The following AK5 variants were observed in gnomAD, a reference collection of about 807,000 sequenced individuals.
The protein encoded by AK5 is adenylate kinase isoenzyme 5.
Under a neutral mutation model 69.5 loss-of-function variants are expected in AK5, and 27 were observed. The ratio of observed to expected loss-of-function variants is 0.39; its 90% CI spans 0.29 to 0.54. AK5 has a LOEUF of 0.54. Ranked by LOEUF, AK5 falls within the 20% of genes least tolerant of loss-of-function variation. The pLI is 0.71. For synonymous variants in AK5, 260 were observed against 244.4 expected (o/e 1.06, Z -0.60); for missense variants, 531 against 700.4 (o/e 0.76, Z 2.73).
chr1:77,346,579 C>G (rs1661927696), intron 6 of AK5, among the ~76,000 whole-genome samples: 1 of 152,188 alleles, frequency 6.6e-6, no homozygotes, highest in Non-Finnish European at 1.5e-5. Context: ...TCACTGCAAC[C>G]TCTGCCTCCC....
chr1:77,524,897 AGTTT>A (rs1259306937), intron 12 of AK5, among the ~76,000 whole-genome samples: 2 of 151,990 alleles, frequency 1.3e-5, no homozygotes, highest in African/African-American at 2.4e-5. Context: ...ATTTTGATCC[AGTTT>A]GTTTGTTTGT....
intron 5 of AK5, among the ~76,000 whole-genome samples, chr1:77,319,837 A>G (rs999603111): frequency 1.3e-4 from 20 of 152,244 alleles, no homozygotes; most frequent in African/African-American, 2.9e-4. Flanking sequence ...GACTATAAGC[A>G]CATTGCATTC....
chr1:77,338,490 T>C (rs186436881), intron 5 of AK5, among the ~76,000 whole-genome samples: 27 of 152,290 alleles, frequency 1.8e-4, no homozygotes, highest in Admixed American at 1.0e-3. Context: ...CAGATGTAAA[T>C]AGAGCTGTCA....
chr1:77,382,551 T>G (rs1647719608), intron 6 of AK5, among the ~76,000 whole-genome samples: 1 of 152,218 alleles, frequency 6.6e-6, no homozygotes, highest in Non-Finnish European at 1.5e-5. Flanking sequence ...GATCTCACTC[T>G]GTTGCCCAAG....
chr1:77,350,620 A>G lies in AK5; in HGVS notation c.891+10052A>G, dbSNP rs927170647. On this transcript the variant is annotated intron_variant, in intron 6 of 13. Transcript: ENST00000354567. Reference sequence around the variant, plus strand: ...CTGACACAAGGTTTTACTTCTCCATATGGCAGATCGGCAACCATCTGGCAC... The same window carrying G: ...CTGACACAAGGTTTTACTTCTCCATGTGGCAGATCGGCAACCATCTGGCAC... 4.6e-5 allele frequency among the ~76,000 whole-genome samples: 7 copies of G among 152,334 alleles called. No homozygotes were observed. In the South Asian group the frequency reaches 6.2e-4, roughly 14 times the overall value.
chr1:77,400,236 G>T (rs1203158562), intron 6 of AK5, among the ~76,000 whole-genome samples: 1 of 152,122 alleles, frequency 6.6e-6, no homozygotes, highest in Non-Finnish European at 1.5e-5. Context: ...ATCTGATCCT[G>T]CCAGCCTTGG....
intron 5 of AK5, among the ~76,000 whole-genome samples, chr1:77,302,313 G>A (rs1659386783): frequency 6.6e-6 from 1 of 152,104 alleles, no homozygotes; most frequent in African/African-American, 2.4e-5. Flanking sequence ...AGAGGAAAAA[G>A]CAAAAAGCTT....
chr1:77,362,720 A>G (rs1312429155), intron 6 of AK5, among the ~76,000 whole-genome samples: 1 of 152,226 alleles, frequency 6.6e-6, no homozygotes, highest in Non-Finnish European at 1.5e-5. Context: ...CAGAAAAATC[A>G]AATCAGTAGT....
At chr1:77,522,187 C>G (rs1658027031) in intron 12 of AK5, among the ~76,000 whole-genome samples, 1 of 152,176 alleles carries the variant, frequency 6.6e-6, no homozygotes, top group Non-Finnish European at 1.5e-5. Context: ...GTCTGACTCT[C>G]TCTCTCTCTC....
At chr1:77,395,727 A>G (rs72679591) in intron 6 of AK5, among the ~76,000 whole-genome samples, 14,434 of 152,282 alleles carry the variant, frequency 0.095, 822 homozygotes, top group East Asian at 0.2. Flanking sequence ...ATAACCTCAA[A>G]CAAAAGTGAT....
chr1:77,467,396 G>A (rs1164846992), intron 8 of AK5, among the ~76,000 whole-genome samples: 1 of 152,204 alleles, frequency 6.6e-6, no homozygotes, highest in Non-Finnish European at 1.5e-5. Flanking sequence ...TCTGCGCAGA[G>A]CCTGCTGCTC....
chr1:77,430,853 G>A (rs1651589793), intron 8 of AK5, among the ~76,000 whole-genome samples: 1 of 152,168 alleles, frequency 6.6e-6, no homozygotes, highest in African/African-American at 2.4e-5. Context: ...GGAGGAAATT[G>A]AGAACTTTAC....
intron 6 of AK5, among the ~76,000 whole-genome samples, chr1:77,368,249 A>G (rs1186585299): frequency 3.4e-5 from 3 of 88,062 alleles, no homozygotes; most frequent in Admixed American, 1.5e-4. Flanking sequence ...ATATATATAT[A>G]TATAATATAT....
intron 6 of AK5, among the ~76,000 whole-genome samples, chr1:77,351,031 A>G (rs2100411146): frequency 6.6e-6 from 1 of 152,346 alleles, no homozygotes; most frequent in East Asian, 1.9e-4. Flanking sequence ...CAGTGAGGAC[A>G]TAATTCCATT....
At chr1:77,477,520 C>A (rs886391105) in intron 8 of AK5, among the ~76,000 whole-genome samples, 3 of 152,132 alleles carry the variant, frequency 2.0e-5, no homozygotes, top group African/African-American at 7.2e-5. Context: ...CATATGCTAG[C>A]ATTTCATGGT....
At chr1:77,459,724 A>G (rs1653710863) in intron 8 of AK5, among the ~76,000 whole-genome samples, 1 of 152,218 alleles carries the variant, frequency 6.6e-6, no homozygotes, top group Non-Finnish European at 1.5e-5. Context: ...CAGCTATCAT[A>G]GTATCTGGCT....
At chr1:77,321,487 T>G (rs1570374706) in intron 5 of AK5, among the ~76,000 whole-genome samples, 1 of 150,116 alleles carries the variant, frequency 6.7e-6, no homozygotes, top group Non-Finnish European at 1.5e-5. Flanking sequence ...AAAAAAAAAG[T>G]CTCAGTACAT....
intron 8 of AK5, among the ~76,000 whole-genome samples, chr1:77,427,719 A>G (rs186566481): frequency 5.3e-5 from 8 of 152,352 alleles, no homozygotes; most frequent in African/African-American, 1.7e-4. Flanking sequence ...CATCAACAAC[A>G]TATGTAAAAA....
chr1:77,534,486 G>A (rs1557659961), intron 12 of AK5, among the ~76,000 whole-genome samples: 1 of 152,184 alleles, frequency 6.6e-6, no homozygotes, highest in Non-Finnish European at 1.5e-5. Context: ...GGAAATAAGC[G>A]TAACAGTGAA....
Sources: allele counts gnomAD v4.1 joint callset (sites outside exome capture counted in the v4.1 genomes callset), GRCh38; gene constraint gnomAD v4.1.1; transcripts MANE v1.5; gene names NCBI Gene and HGNC (gene_info 2026-07-23, HGNC 2026-07-21).